Variants in TGFBRAP1 observed in about 807,000 individuals in gnomAD.
The protein encoded by TGFBRAP1 is transforming growth factor-beta receptor-associated protein 1.
In TGFBRAP1, 20 loss-of-function variants were observed where a neutral mutation model predicts 83.2. The observed-to-expected ratio is 0.24, with a 90% CI of 0.17 to 0.35. The LOEUF is 0.35. TGFBRAP1 is among the 10% of genes least tolerant of loss of function. The pLI is 1.00. For missense variants in TGFBRAP1, 950 were observed against 1,099.4 expected, an observed-to-expected ratio of 0.86 and a Z score of 1.92; for synonymous variants, 415 against 459.8, an observed-to-expected ratio of 0.90 and a Z score of 1.25.
intron 5 of TGFBRAP1, 76 bp downstream of exon 5, chr2:105,284,240 C>G: frequency 3.6e-6 from 5 of 1,392,406 alleles, no homozygotes; most frequent in Non-Finnish European, 5.1e-6. Context: ...CCCACCGCGA[C>G]GTCACACCAG....
chr2:105,271,549 C>G (rs115747860), intron 10 of TGFBRAP1, among the ~76,000 whole-genome samples: 205 of 152,292 alleles, frequency 1.3e-3, no homozygotes, highest in Non-Finnish European at 2.3e-3. Flanking sequence ...CACCTGTGTT[C>G]TGGCTCTACT....
At chr2:105,299,362 G>A (rs965217280) in intron 2 of TGFBRAP1, among the ~76,000 whole-genome samples, 4 of 152,074 alleles carry the variant, frequency 2.6e-5, no homozygotes, top group African/African-American at 9.7e-5. Context: ...CAAAGCATGT[G>A]TCCTCACGTG....
chr2:105,319,430 G>A (rs1157407891), intron 1 of TGFBRAP1, among the ~76,000 whole-genome samples: 1 of 148,694 alleles, frequency 6.7e-6, no homozygotes, highest in Non-Finnish European at 1.5e-5. Context: ...AGTGGCTCAC[G>A]CCTGTAATCC....
intron 2 of TGFBRAP1, 148 bp downstream of exon 2, chr2:105,307,466 T>C: frequency 1.2e-6 from 1 of 853,538 alleles, no homozygotes; most frequent in Non-Finnish European, 1.8e-6. Flanking sequence ...CATCAAGCAC[T>C]GGTCAAGCAC....
Position 105,269,473 on chromosome 2 carries a change from C to T in TGFBRAP1, c.2205G>A (p.Val735=). 2 of 1,613,510 alleles carry T rather than the reference C, an allele frequency of 1.2e-6. No individual in the cohort carries two copies. Among genetic ancestry groups the T allele is most frequent in the Non-Finnish European group, 1.7e-6 (2 of 1,179,854 alleles). ...HAGPTAHELA[V]AAVDLLNRHA... is the part of the protein sequence containing the mutation. The stretch of plus-strand genomic sequence containing the variant: ...GGCGGTTCAGCAGGTCCACGGCAGC[C>T]ACGGCCAGCTCGTGGGCAGTGGGGC... Residue 735 remains valine, a synonymous_variant, in exon 11 of 12, where the codon GTG becomes GTA. Coordinates refer to ENST00000393359, the MANE Select transcript of TGFBRAP1 (RefSeq NM_004257.6). The surrounding 1 kb of genome is among the most constrained non-coding windows in gnomAD (Gnocchi z 4.1).
intron 4 of TGFBRAP1, 25 bp downstream of exon 4, chr2:105,296,331 T>G: frequency 6.2e-7 from 1 of 1,612,634 alleles, no homozygotes; most frequent in Middle Eastern, 1.7e-4. Flanking sequence ...TAGAGGCATA[T>G]TTCTGTGACC....
At position 105,280,129 on chromosome 2, in the gene TGFBRAP1, T is replaced by G. The variant is rs148671651; in HGVS notation, c.1463+253A>C. 8.7e-3 allele frequency among the ~76,000 whole-genome samples: 1,318 copies of G among 151,760 alleles called. 12 individuals are homozygous for G. The highest frequency in any genetic ancestry group is 0.012 in the Non-Finnish European group (789 of 67,950). Reference sequence around the variant, plus strand: ...TACTAGTTCCAAACTATACTCCAAATTATTAAAGAATGGGAATGAGAACAA... The same window carrying G: ...TACTAGTTCCAAACTATACTCCAAAGTATTAAAGAATGGGAATGAGAACAA... On this transcript the variant is annotated intron_variant, in intron 6 of 11. Coordinates refer to ENST00000393359, the MANE Select transcript of TGFBRAP1 (RefSeq NM_004257.6).
chr2:105,297,882 G>A (rs1162387086), intron 3 of TGFBRAP1, among the ~76,000 whole-genome samples: 1 of 152,210 alleles, frequency 6.6e-6, no homozygotes, highest in African/African-American at 2.4e-5. Flanking sequence ...AAGGTTTCTG[G>A]TGGTTTACTT....
chr2:105,314,249 C>CTTTT (rs1198445714), intron 1 of TGFBRAP1, among the ~76,000 whole-genome samples: 33 of 118,626 alleles, frequency 2.8e-4, no homozygotes, highest in African/African-American at 1.0e-3. Flanking sequence ...AGTACTTTCT[C>CTTTT]TTTTTTTTTT....
At chr2:105,268,151 G>A (rs767247271) in intron 11 of TGFBRAP1, among the ~76,000 whole-genome samples, 2 of 152,192 alleles carry the variant, frequency 1.3e-5, no homozygotes, top group Non-Finnish European at 2.9e-5. Flanking sequence ...CAATTCACTC[G>A]TGTCAACCGA....
At chr2:105,327,214 C>G (rs1679248918) in intron 1 of TGFBRAP1, 2 of 151,462 alleles carry the variant, frequency 1.3e-5, no homozygotes, top group South Asian at 4.2e-4. Context: ...AGCCAAATAA[C>G]TTCATTTTTT....
downstream of TGFBRAP1, among the ~76,000 whole-genome samples, chr2:105,260,006 G>C (rs555858276): frequency 2.9e-4 from 44 of 152,324 alleles, no homozygotes; most frequent in African/African-American, 1.0e-3. Context: ...ATAAAAAATA[G>C]AAATTCTAAT....
chr2:105,308,670 C>T (rs1010914749), intron 1 of TGFBRAP1, among the ~76,000 whole-genome samples: 2 of 152,156 alleles, frequency 1.3e-5, no homozygotes, highest in South Asian at 2.1e-4. Flanking sequence ...CATTCACCCA[C>T]GGGCAACATA....
At chr2:105,271,768 C>T (rs539564994) in intron 10 of TGFBRAP1, among the ~76,000 whole-genome samples, 12 of 152,294 alleles carry the variant, frequency 7.9e-5, no homozygotes, top group Admixed American at 5.9e-4. Flanking sequence ...GTCATCTACT[C>T]GCTGAAATTT....
At chr2:105,262,312 ACT>A (rs1676807749), downstream of TGFBRAP1, among the ~76,000 whole-genome samples, 4 of 151,916 alleles carry the variant, frequency 2.6e-5, no homozygotes, top group South Asian at 8.3e-4. Flanking sequence ...GTGAGTTCTC[ACT>A]CTGTTAGTTC....
rs762805251 is a variant in TGFBRAP1 at position 105,280,644 on chromosome 2, G to T, written c.1201C>A (p.His401Asn). ...TCTGCGTACTCATGAAGAGGAGGGT[G>T]GGACCGGGTGAAGGAGGAGGAGGTG... is the stretch of plus-strand genomic sequence containing the variant. ...LPTSSSFTRS[H>N]PPLHEYADLN... Residue 401 changes from histidine (H) to asparagine (N), a missense_variant, in exon 6 of 12, where the codon CAC (histidine) becomes AAC (asparagine). Physicochemically the swap from His to Asn is moderately conservative, Grantham distance 68. Coordinates refer to ENST00000393359, the MANE Select transcript of TGFBRAP1 (RefSeq NM_004257.6). 6.2e-7 allele frequency: 1 copy of T among 1,614,180 alleles called. No homozygotes were observed. The highest frequency in any genetic ancestry group is 1.7e-5 in the Admixed American group (1 of 60,020).
At chr2:105,316,349 A>T (rs1460840656) in intron 1 of TGFBRAP1, among the ~76,000 whole-genome samples, 1 of 151,918 alleles carries the variant, frequency 6.6e-6, no homozygotes, top group Non-Finnish European at 1.5e-5. Context: ...ACAAAAAAAA[A>T]AAAAATTCCC....
At chr2:105,259,725 C>T (rs138042241), downstream of TGFBRAP1, among the ~76,000 whole-genome samples, 1 of 152,288 alleles carries the variant, frequency 6.6e-6, no homozygotes, top group East Asian at 1.9e-4. Flanking sequence ...TGTCTCTGGC[C>T]ACATTTTCCT....
In TGFBRAP1 at chr2:105,292,238, C is replaced by T. The variant is rs1024244625; in HGVS notation, c.1038+4118G>A. On this transcript the variant is annotated intron_variant, in intron 4 of 11. Transcript: ENST00000393359. ...GAAACCAAATAGCATGTGGAAGGCTCGATGCTCTGAAAAAGTACAGACAAT... is the reference window on the plus strand; with the variant it reads ...GAAACCAAATAGCATGTGGAAGGCTTGATGCTCTGAAAAAGTACAGACAAT... 3.9e-5 allele frequency among the ~76,000 whole-genome samples: 6 copies of T among 152,048 alleles called. No individual in the cohort carries two copies. The East Asian group carries it at 5.8e-4, about 15-fold the overall frequency.
Sources: gnomAD v4.1 joint callset for allele counts (sites outside exome capture counted in the v4.1 genomes callset) on GRCh38, gnomAD v4.1.1 for gene constraint, Gnocchi (gnomAD v3.1) non-coding constraint, MANE v1.5 for transcripts, NCBI Gene and HGNC (gene_info 2026-07-23, HGNC 2026-07-21) for gene names.